The following CCNL2 variants were observed in gnomAD, a reference collection of about 807,000 sequenced individuals.
The protein encoded by CCNL2 is cyclin L2.
A neutral mutation model predicts 59.1 loss-of-function variants in CCNL2; 28 were observed. That is an observed-to-expected ratio of 0.47 (90% CI 0.35 to 0.65). The LOEUF is 0.65. Ranked by LOEUF, CCNL2 falls within the 30% of genes least tolerant of loss-of-function variation. The pLI is 0.00. For missense variants in CCNL2, 714 were observed against 717.4 expected, an observed-to-expected ratio of 1.00 and a Z score of 0.05; for synonymous variants, 342 against 288.6, an observed-to-expected ratio of 1.19 and a Z score of -1.88.
intron 8 of CCNL2, chr1:1,388,828 C>A (rs1289473321): frequency 5.2e-6 from 2 of 381,164 alleles, no homozygotes; most frequent in Admixed American, 7.9e-5. Context: ...GTAATCCCAG[C>A]ACTTTGGGAG....
At chr1:1,398,125 G>A (rs1645147048) in intron 3 of CCNL2, 108 bp downstream of exon 3, 2 of 1,060,600 alleles carry the variant, frequency 1.9e-6, no homozygotes, top group Non-Finnish European at 1.4e-6. Flanking sequence ...ATATCCCACA[G>A]GTTTAGAGCC....
intron 4 of CCNL2, 78 bp downstream of exon 4, chr1:1,395,316 C>G: frequency 1.3e-6 from 2 of 1,536,250 alleles, no homozygotes; most frequent in Admixed American, 1.8e-5. Context: ...GAGCCTTCAA[C>G]TGCACTGAGG....
In CCNL2 at chr1:1,398,346, A is replaced by G; in HGVS notation, c.364-4T>C. On this transcript the variant is annotated splice_polypyrimidine_tract_variant and splice_region_variant and intron_variant, in intron 2 of 10. Transcript: ENST00000400809. ...GGACACAGGCCATTGACACATGCTG[A>G]AGCGGAAGCATTGCAACACGCCCAT... 2 of 1,614,036 alleles carry G rather than the reference A, an allele frequency of 1.2e-6. No homozygotes were observed. Among genetic ancestry groups the G allele is most frequent in the Non-Finnish European group, 1.7e-6 (2 of 1,179,966 alleles).
chr1:1,388,313 T>G (rs1266011771), intron 8 of CCNL2: 4 of 486,880 alleles, frequency 8.2e-6, no homozygotes, highest in Non-Finnish European at 1.5e-5. Flanking sequence ...ACAAAGTCAA[T>G]ACATTGAGAC....
intron 8 of CCNL2, chr1:1,388,772 G>GGA (rs1553183459): frequency 3.2e-5 from 5 of 156,066 alleles, no homozygotes; most frequent in Admixed American, 1.3e-4. Context: ...CTCCGTCTCA[G>GGA]AAAAAAAAAA....
At chr1:1,388,241 G>A in intron 8 of CCNL2, 176 bp from the exon 9 acceptor site, 2 of 604,660 alleles carry the variant, frequency 3.3e-6, no homozygotes, top group Non-Finnish European at 2.9e-6. Flanking sequence ...ATGCAGATGG[G>A]GCTGGACGCG....
rs1273613943 is a variant in CCNL2, at chr1:1,386,836, A to T, written c.*395T>A. 1 of 190,654 alleles carries T rather than the reference A, an allele frequency of 5.2e-6. No homozygotes were observed. Among genetic ancestry groups the T allele is most frequent in the East Asian group, 1.3e-4 (1 of 7,764 alleles). 11.8% of individuals were successfully genotyped at this position (190,654 alleles called of 1,614,324 possible). ...ACCTAATATAGGCAAAGGTTCTAAA[A>T]ATCATCTTTCTTGGCTTCACGTAAT... On this transcript the variant is annotated 3_prime_UTR_variant, in exon 11 of 11. Coordinates refer to ENST00000400809, the MANE Select transcript of CCNL2 (RefSeq NM_030937.6).
At position 1,387,474 on chromosome 1, in the gene CCNL2, G is replaced by A. The variant is rs775467043; in HGVS notation, c.1320C>T (p.Gly440=). Residue 440 remains glycine (G), a synonymous_variant, in exon 11 of 11, where the codon GGC becomes GGT. Coordinates refer to ENST00000400809, the MANE Select transcript of CCNL2 (RefSeq NM_030937.6). ...RQAPRSAPYK[G]SEIRGSRKSK... The stretch of plus-strand genomic sequence containing the variant: ...ACTTCCGGGAGCCCCGAATCTCAGA[G>A]CCTTTGTAGGGAGCGCTGCGGGGGG... The A allele has an allele frequency of 1.2e-6, 2 of 1,612,020 alleles. No individual in the cohort carries two copies. The highest frequency in any genetic ancestry group is 4.5e-5 in the East Asian group (2 of 44,828).
At chr1:1,388,540 A>T (rs1419242736) in intron 8 of CCNL2, 1 of 450,260 alleles carries the variant, frequency 2.2e-6, no homozygotes. Flanking sequence ...ACAAAACAAA[A>T]AAACCCCAAA....
At chr1:1,391,306 C>A in intron 5 of CCNL2, 2 of 1,150,206 alleles carry the variant, frequency 1.7e-6, no homozygotes, top group South Asian at 1.9e-5. Flanking sequence ...CTCAAATGAA[C>A]TGGCTGAGCA....
chr1:1,388,578 TCTCTC>T (rs1430843609), intron 8 of CCNL2: 1 of 430,740 alleles, frequency 2.3e-6, no homozygotes, highest in East Asian at 7.1e-5. Context: ...TCTCTCTCTC[TCTCTC>T]TATATATATA....
intron 5 of CCNL2, chr1:1,391,874 T>C: frequency 3.6e-6 from 1 of 277,320 alleles, no homozygotes; most frequent in Non-Finnish European, 7.0e-6. Context: ...GAACTGGTTT[T>C]ATATTTACTG....
intron 6 of CCNL2, 71 bp downstream of exon 6, chr1:1,390,695 C>A: frequency 6.6e-7 from 1 of 1,514,372 alleles, no homozygotes; most frequent in Non-Finnish European, 9.2e-7. Flanking sequence ...AAGAATAACA[C>A]AGTAAAGTTT....
intron 2 of CCNL2, 45 bp from the exon 3 acceptor site, chr1:1,398,387 C>A: frequency 1.9e-6 from 3 of 1,612,524 alleles, no homozygotes; most frequent in East Asian, 2.2e-5. Context: ...TCCCCAGCCA[C>A]GGCGTCCTGA....
chr1:1,395,041 C>A (rs1264316469), intron 4 of CCNL2: 2 of 191,718 alleles, frequency 1.0e-5, no homozygotes, highest in Non-Finnish European at 2.2e-5. Flanking sequence ...TCCAGCCTGG[C>A]GATAGAGCGA....
At position 1,399,082 on chromosome 1, in the gene CCNL2, G is replaced by T; in HGVS notation, c.225C>A (p.Thr75=). 1 of 1,611,448 alleles carries T rather than the reference G, an allele frequency of 6.2e-7. No individual in the cohort carries two copies. Among genetic ancestry groups the T allele is most frequent in the Non-Finnish European group, 8.5e-7 (1 of 1,179,300 alleles). Residue 75 remains threonine (T), a synonymous_variant, in exon 1 of 11, where the codon ACC becomes ACA. Coordinates refer to ENST00000400809, the MANE Select transcript of CCNL2 (RefSeq NM_030937.6). ...MSSGLDTDTE[T]DLRVVGCELI... Reference sequence around the variant, plus strand: ...GCTCGCAGCCCACCACGCGGAGGTCGGTCTCTGTGTCGGTGTCGAGGCCGC... The same window carrying T: ...GCTCGCAGCCCACCACGCGGAGGTCTGTCTCTGTGTCGGTGTCGAGGCCGC...
At chr1:1,390,979 G>A (rs1243906039) in intron 5 of CCNL2, 114 bp from the exon 6 acceptor site, 1 of 972,110 alleles carries the variant, frequency 1.0e-6, no homozygotes, top group African/African-American at 1.6e-5. Context: ...GGAGTCTATT[G>A]CTAGGACTCA....
At chr1:1,392,247 C>A (rs191939238) in intron 5 of CCNL2, 28 of 831,950 alleles carry the variant, frequency 3.4e-5, no homozygotes, top group African/African-American at 3.7e-5. Flanking sequence ...TGATATTAAT[C>A]CACGAACTTA....
At chr1:1,388,644 G>T in intron 8 of CCNL2, 1 of 415,556 alleles carries the variant, frequency 2.4e-6, no homozygotes, top group Non-Finnish European at 4.8e-6. Flanking sequence ...GGTGGTGGGC[G>T]CCTGCAATCC....
Sources: allele counts gnomAD v4.1 joint callset, GRCh38; gene constraint gnomAD v4.1.1; transcripts MANE v1.5; gene names NCBI Gene and HGNC (gene_info 2026-07-23, HGNC 2026-07-21).